TXNRD1: variants seen among roughly 807,000 people sequenced by gnomAD.
The protein encoded by TXNRD1 is thioredoxin reductase 1, cytoplasmic.
In TXNRD1, 57 loss-of-function variants were observed where a neutral mutation model predicts 80.3. That is an observed-to-expected ratio of 0.71 (90% CI 0.57 to 0.89). The LOEUF is 0.89. TXNRD1 is among the 40% of genes least tolerant of loss of function. TXNRD1 has a pLI of 0.00. For synonymous variants in TXNRD1, 291 were observed against 285.2 expected, an observed-to-expected ratio of 1.02 and a Z score of -0.20; for missense variants, 730 against 803.0, an observed-to-expected ratio of 0.91 and a Z score of 1.10.
At chr12:104,267,068 A>T (rs867160539) in intron 3 of TXNRD1, among the ~76,000 whole-genome samples, 14 of 150,836 alleles carry the variant, frequency 9.3e-5, no homozygotes, top group African/African-American at 2.9e-4. Context: ...TGGGAGGCTG[A>T]GGCAGGAGAA....
At position 104,339,247 on chromosome 12, in the gene TXNRD1, A is replaced by G; in HGVS notation, c.1855A>G (p.Ile619Val). ...GACCAAAAAGCAGCTGGACAGCACAATTGGAATCCACCCTGTCTGTGCAGA... is the reference window on the plus strand; with the variant it reads ...GACCAAAAAGCAGCTGGACAGCACAGTTGGAATCCACCCTGTCTGTGCAGA... ...GLTKKQLDST[I>V]GIHPVCAEVF... Residue 619 changes from isoleucine to valine, a missense_variant, in exon 16 of 17, where the codon ATT becomes GTT. Ile to Val is a conservative substitution (Grantham distance 29). Transcript: ENST00000525566. The G allele has an allele frequency of 6.2e-7, 1 of 1,613,980 alleles. No individual in the cohort carries two copies.
intron 3 of TXNRD1, among the ~76,000 whole-genome samples, chr12:104,273,625 C>G (rs2033699871): frequency 6.6e-6 from 1 of 151,692 alleles, no homozygotes; most frequent in Non-Finnish European, 1.5e-5. Context: ...CAGAAAAAAA[C>G]AAGAATGCTC....
chr12:104,278,189 CTTTTTTTTTTT>C (rs202175579), intron 3 of TXNRD1, among the ~76,000 whole-genome samples: 3 of 98,294 alleles, frequency 3.1e-5, no homozygotes, highest in Admixed American at 2.4e-4. Flanking sequence ...TGATCAAATT[CTTTTTTTTTTT>C]TTTTTTTTTT....
chr12:104,255,109 A>C (rs533276643), intron 2 of TXNRD1, among the ~76,000 whole-genome samples: 14 of 152,010 alleles, frequency 9.2e-5, no homozygotes, highest in Non-Finnish European at 1.3e-4. Flanking sequence ...CTATCTAAAT[A>C]AATAAATAAA....
intron 4 of TXNRD1, among the ~76,000 whole-genome samples, chr12:104,294,234 C>CG (rs1491102654): frequency 0.12 from 2,849 of 23,774 alleles, 740 homozygotes; most frequent in South Asian, 0.35. Context: ...CGGGGAAAGG[C>CG]CCCCCCCCCC....
At chr12:104,290,551 G>C (rs1210034323) in intron 4 of TXNRD1, among the ~76,000 whole-genome samples, 1 of 151,258 alleles carries the variant, frequency 6.6e-6, no homozygotes, top group Non-Finnish European at 1.5e-5. Flanking sequence ...AAATTAGCCA[G>C]GGCTTGGTGG....
At chr12:104,313,652 A>G (rs183522615) in intron 6 of TXNRD1, among the ~76,000 whole-genome samples, 3 of 152,338 alleles carry the variant, frequency 2.0e-5, no homozygotes, top group East Asian at 1.9e-4. Flanking sequence ...TACCTCCTAC[A>G]TTCAACAAGA....
rs190960236 is a variant in TXNRD1 at position 104,287,369 on chromosome 12, G to C, written c.305-1562G>C. 1.3e-5 allele frequency: 21 copies of C among 1,613,946 alleles called. No homozygotes were observed. The African/African-American group carries it at 2.7e-4, about 21-fold the overall frequency. ...GTGGTAGGTGAGGCCGGCGCCTGTA[G>C]GCTGGCGGTTTCCTTCCTCTTGGTC... is the stretch of plus-strand genomic sequence containing the variant. On this transcript the variant is annotated intron_variant, in intron 3 of 16. Coordinates refer to ENST00000525566, the MANE Select transcript of TXNRD1 (RefSeq NM_001093771.3).
chr12:104,247,160 C>A (rs370387244), intron 1 of TXNRD1, among the ~76,000 whole-genome samples: 3 of 152,070 alleles, frequency 2.0e-5, no homozygotes, highest in Admixed American at 2.0e-4. Flanking sequence ...CTATGCCTCC[C>A]GGGTTCAAGT....
intron 14 of TXNRD1, among the ~76,000 whole-genome samples, chr12:104,331,886 A>G (rs866356534): frequency 3.3e-5 from 5 of 152,002 alleles, no homozygotes; most frequent in African/African-American, 1.2e-4. Context: ...ACCCCTAAAT[A>G]CTTTATTGTG....
intron 4 of TXNRD1, among the ~76,000 whole-genome samples, chr12:104,302,524 C>G (rs1042811418): frequency 9.6e-6 from 1 of 104,242 alleles, no homozygotes; most frequent in African/African-American, 3.7e-5. Flanking sequence ...GAGTCTCGCT[C>G]TATAGCCCAG....
At chr12:104,265,674 C>T in intron 3 of TXNRD1, 1 of 1,605,124 alleles carries the variant, frequency 6.2e-7, no homozygotes, top group Non-Finnish European at 8.5e-7. Context: ...CCCGAGCCCA[C>T]TCCATTCAGA....
intron 16 of TXNRD1, among the ~76,000 whole-genome samples, chr12:104,339,911 C>G (rs557518125): frequency 6.6e-6 from 1 of 152,294 alleles, no homozygotes; most frequent in South Asian, 2.1e-4. Flanking sequence ...CTGTTGTAGC[C>G]AGTGGCTTCC....
At chr12:104,288,102 TGCCTCA>T (rs1256156402) in intron 3 of TXNRD1, among the ~76,000 whole-genome samples, 1 of 152,198 alleles carries the variant, frequency 6.6e-6, no homozygotes, top group African/African-American at 2.4e-5. Flanking sequence ...GCGATTCTCC[TGCCTCA>T]GCCTCCTGAG....
intron 3 of TXNRD1, among the ~76,000 whole-genome samples, chr12:104,281,399 C>CATTTTTTT (rs1272324757): frequency 1.4e-5 from 1 of 73,638 alleles, no homozygotes; most frequent in African/African-American, 6.4e-5. Context: ...CATATCTCCA[C>CATTTTTTT]TTTTTTTTTT....
At chr12:104,287,170 G>A in intron 3 of TXNRD1, 1 of 1,571,786 alleles carries the variant, frequency 6.4e-7, no homozygotes, top group Non-Finnish European at 8.6e-7. Context: ...GAGCACGCGG[G>A]GGACGGCCTG....
chr12:104,293,069 T>C (rs2034284200), intron 4 of TXNRD1, among the ~76,000 whole-genome samples: 2 of 152,170 alleles, frequency 1.3e-5, no homozygotes, highest in African/African-American at 4.8e-5. Flanking sequence ...GTGGCTTTCA[T>C]AAACATCTTG....
At chr12:104,238,400 CAG>C (rs2032784404) in intron 1 of TXNRD1, among the ~76,000 whole-genome samples, 1 of 152,180 alleles carries the variant, frequency 6.6e-6, no homozygotes, top group African/African-American at 2.4e-5. Context: ...GGATTGCACT[CAG>C]AAAGTTAAAG....
chr12:104,330,800 C>G (rs1373871357), intron 13 of TXNRD1, among the ~76,000 whole-genome samples: 1 of 152,010 alleles, frequency 6.6e-6, no homozygotes, highest in Non-Finnish European at 1.5e-5. Context: ...GTTAGCCAGG[C>G]TGGTCTCGAA....
Sources: allele counts gnomAD v4.1 joint callset (sites outside exome capture counted in the v4.1 genomes callset), GRCh38; gene constraint gnomAD v4.1.1; transcripts MANE v1.5; gene names NCBI Gene and HGNC (gene_info 2026-07-23, HGNC 2026-07-21).